Variants in KLHL6 observed in about 807,000 individuals in gnomAD.
KLHL6 encodes kelch-like protein 6.
KLHL6 carries 41 observed loss-of-function variants against 58.6 expected under a neutral mutation model. That is an observed-to-expected ratio of 0.70 (90% CI 0.55 to 0.91). The LOEUF (loss-of-function observed/expected upper bound fraction) is 0.91, where lower values mean the gene tolerates loss of function less well. Among genes scored for constraint, KLHL6 ranks in the 40% least tolerant of loss-of-function variants. KLHL6 has a pLI of 0.00. For missense variants in KLHL6, 714 were observed against 805.6 expected, an observed-to-expected ratio of 0.89 and a Z score of 1.38; for synonymous variants, 338 against 322.7, an observed-to-expected ratio of 1.05 and a Z score of -0.51.
intron 2 of KLHL6, among the ~76,000 whole-genome samples, chr3:183,511,348 G>C (rs761348650): frequency 6.6e-6 from 1 of 152,220 alleles, no homozygotes. Flanking sequence ...GCCACAGGGC[G>C]GTTTTTCTCC....
chr3:183,528,164 C>T (rs568715982), intron 1 of KLHL6, among the ~76,000 whole-genome samples, 154 bp from the exon 2 acceptor site: 6 of 152,208 alleles, frequency 3.9e-5, no homozygotes, highest in South Asian at 4.1e-4. Context: ...GCACCCCCTA[C>T]GCATTAGACA....
intron 4 of KLHL6, among the ~76,000 whole-genome samples, chr3:183,497,754 G>A (rs866765908): frequency 1.3e-5 from 2 of 152,324 alleles, no homozygotes; most frequent in African/African-American, 4.8e-5. Flanking sequence ...GGAGCAGACT[G>A]TCCTGCCCCG....
chr3:183,494,395 G>A (rs1717660183), intron 4 of KLHL6, 114 bp from the exon 5 acceptor site: 3 of 815,144 alleles, frequency 3.7e-6, no homozygotes, highest in African/African-American at 3.4e-5. Context: ...CCTACCCTGA[G>A]GGGAGATACA....
rs779294139 is a variant in KLHL6 at position 183,492,512 on chromosome 3, C to A, written c.1546G>T (p.Asp516Tyr). ...TACTCACCAACGACATAGATGCGGT[C>A]CCGGAAACTCACTGCATTGATGCAT... is the stretch of plus-strand genomic sequence containing the variant. Reference protein sequence around the residue: ...AKCINAVSFRDRIYVVGGAMR... With the variant: ...AKCINAVSFRYRIYVVGGAMR... The change falls in exon 6 of 7, where the codon GAC (aspartate) becomes TAC (tyrosine). Residue 516 changes from aspartate (D) to tyrosine (Y), a missense_variant. This residue lies in a region of KLHL6 where 510 missense variants were observed against 629.7 expected (regional missense o/e 0.81). Coordinates refer to ENST00000341319, the MANE Select transcript of KLHL6 (RefSeq NM_130446.4). This position sits in a 1 kb window ranked among gnomAD's most constrained non-coding sequence, Gnocchi z 5.9. 16 of 1,614,212 alleles carry A rather than the reference C, an allele frequency of 9.9e-6. No individual in the cohort carries two copies. In the South Asian group the frequency reaches 1.8e-4, roughly 18 times the overall value.
At chr3:183,549,594 C>T (rs1381355487) in intron 1 of KLHL6, among the ~76,000 whole-genome samples, 11 of 152,264 alleles carry the variant, frequency 7.2e-5, no homozygotes, top group Admixed American at 2.0e-4. Context: ...CTGCAACCTC[C>T]GCCTCCCAGA....
At chr3:183,541,544 C>T (rs540315975) in intron 1 of KLHL6, among the ~76,000 whole-genome samples, 7 of 152,270 alleles carry the variant, frequency 4.6e-5, no homozygotes, top group Admixed American at 6.5e-5. Context: ...AACTTATTTA[C>T]ATTCAGAGGA....
chr3:183,495,585 A>AT (rs1039376524), intron 4 of KLHL6, among the ~76,000 whole-genome samples: 11 of 151,896 alleles, frequency 7.2e-5, no homozygotes, highest in African/African-American at 2.4e-4. Flanking sequence ...AGGACAAAAA[A>AT]AAAAAACCCT....
At chr3:183,546,560 T>C (rs541312402) in intron 1 of KLHL6, among the ~76,000 whole-genome samples, 1 of 152,332 alleles carries the variant, frequency 6.6e-6, no homozygotes, top group Admixed American at 6.5e-5. Flanking sequence ...TAGCCTCCCT[T>C]GCACCTGTTT....
intron 2 of KLHL6, among the ~76,000 whole-genome samples, chr3:183,517,853 C>T (rs981594485): frequency 9.9e-5 from 15 of 152,096 alleles, no homozygotes; most frequent in Admixed American, 7.9e-4. Flanking sequence ...GATTGCATCT[C>T]GGACATGATT....
chr3:183,544,060 G>A (rs746944880), intron 1 of KLHL6, among the ~76,000 whole-genome samples: 3 of 151,824 alleles, frequency 2.0e-5, no homozygotes, highest in South Asian at 2.1e-4. Flanking sequence ...CTACTCGGGC[G>A]GCTGAGGCAG....
intron 1 of KLHL6, among the ~76,000 whole-genome samples, chr3:183,544,284 G>A (rs1712649147): frequency 6.6e-6 from 1 of 151,638 alleles, no homozygotes; most frequent in African/African-American, 2.4e-5. Context: ...ACAGCTAGCA[G>A]AGGACATGTA....
At chr3:183,534,105 A>ACTTTT (rs1444327762) in intron 1 of KLHL6, among the ~76,000 whole-genome samples, 27 of 126,354 alleles carry the variant, frequency 2.1e-4, no homozygotes, top group African/African-American at 8.5e-4. Context: ...AAAGTACTTT[A>ACTTTT]AAAGTACTTT....
chr3:183,533,078 G>C (rs151118956), intron 1 of KLHL6, among the ~76,000 whole-genome samples: 3 of 152,290 alleles, frequency 2.0e-5, no homozygotes, highest in East Asian at 3.9e-4. Flanking sequence ...ACAGGTTAGG[G>C]AGCCGTTATC....
At chr3:183,493,100 T>C (rs538757647) in intron 5 of KLHL6, 1 of 214,538 alleles carries the variant, frequency 4.7e-6, no homozygotes, top group African/African-American at 2.3e-5. Flanking sequence ...TGTACCAGCA[T>C]TGATTTTCCT....
intron 3 of KLHL6, among the ~76,000 whole-genome samples, chr3:183,502,390 C>T (rs1444982690): frequency 2.6e-5 from 4 of 152,072 alleles, no homozygotes; most frequent in East Asian, 1.9e-4. Flanking sequence ...TGAGCATCCA[C>T]GATGGCCCCA....
intron 1 of KLHL6, chr3:183,551,916 G>A (rs932470983): frequency 1.7e-4 from 26 of 152,164 alleles, no homozygotes; most frequent in Middle Eastern, 3.4e-3. Flanking sequence ...ATGAAAAACA[G>A]AAAGGCAGTG....
chr3:183,544,177 A>G (rs1000722578), intron 1 of KLHL6, among the ~76,000 whole-genome samples: 10 of 151,630 alleles, frequency 6.6e-5, no homozygotes, highest in African/African-American at 1.9e-4. Context: ...AAAAAAAAAA[A>G]AAAAAAAAAA....
At chr3:183,536,732 T>C (rs543299574) in intron 1 of KLHL6, among the ~76,000 whole-genome samples, 1 of 152,228 alleles carries the variant, frequency 6.6e-6, no homozygotes, top group Admixed American at 6.5e-5. Flanking sequence ...TCTTGGAAGG[T>C]TGGTAGGAGA....
At position 183,499,711 on chromosome 3, in the gene KLHL6, G is replaced by A; in HGVS notation, c.1026C>T (p.Pro342=). The part of the protein sequence containing the change: ...RFVAEVTCLD[P]LRRSRLEVAK... ...CCACCTCCAGGCGGCTGCGCCTCAG[G>A]GGGTCCAGGCAGGTCACCTCTGCCA... The change falls in exon 4 of 7, where the codon CCC becomes CCT. Residue 342 remains proline (P), a synonymous_variant. Coordinates refer to ENST00000341319, the MANE Select transcript of KLHL6 (RefSeq NM_130446.4). The surrounding 1 kb of genome is among the most constrained non-coding windows in gnomAD (Gnocchi z 4.6). The A allele has an allele frequency of 6.2e-7, 1 of 1,611,168 alleles. No homozygotes were observed. The highest frequency in any genetic ancestry group is 8.5e-7 in the Non-Finnish European group (1 of 1,178,868).
Sources: gnomAD v4.1 joint callset for allele counts (sites outside exome capture counted in the v4.1 genomes callset) on GRCh38, gnomAD v4.1.1 for gene constraint, gnomAD v4.1.1 regional missense constraint, Gnocchi (gnomAD v3.1) non-coding constraint, MANE v1.5 for transcripts, NCBI Gene and HGNC (gene_info 2026-07-23, HGNC 2026-07-21) for gene names.